The following LSAMP variants were observed in gnomAD, a reference collection of about 807,000 sequenced individuals.
LSAMP encodes the protein limbic system-associated membrane protein.
Under a neutral mutation model 38.6 loss-of-function variants are expected in LSAMP, and 7 were observed. That is an observed-to-expected ratio of 0.18 (90% CI 0.10 to 0.34). The LOEUF (loss-of-function observed/expected upper bound fraction) is 0.34. LSAMP is among the 10% of genes least tolerant of loss of function. The pLI, the probability that LSAMP is intolerant of heterozygous loss-of-function variation, is 1.00. For missense variants in LSAMP, 313 were observed against 420.0 expected (o/e 0.75, Z 2.23); for synonymous variants, 154 against 166.8 (o/e 0.92, Z 0.59).
rs193268231 is a variant in LSAMP at position 116,407,957 on chromosome 3, C to A, written c.155+36920G>T. Among the ~76,000 whole-genome samples the A allele has an allele frequency of 2.6e-4, 39 of 151,976 alleles. No homozygotes were observed. In the East Asian group the frequency reaches 7.2e-3, roughly 28 times the overall value. On this transcript the variant is annotated intron_variant, in intron 1 of 6. Coordinates refer to ENST00000490035, the MANE Select transcript of LSAMP (RefSeq NM_002338.5). Reference sequence around the variant, plus strand: ...AGTATTAAAATATACTATTATAGAACCATGATGAATAAGAAGGTACATCAG... The same window carrying A: ...AGTATTAAAATATACTATTATAGAAACATGATGAATAAGAAGGTACATCAG...
chr3:116,435,699 A>G (rs1303815119), intron 1 of LSAMP, among the ~76,000 whole-genome samples: 1 of 152,136 alleles, frequency 6.6e-6, no homozygotes, highest in East Asian at 1.9e-4. Context: ...TAAATTTTGT[A>G]TCTATTGGGG....
chr3:115,997,598 T>C (rs1309661356), intron 3 of LSAMP, among the ~76,000 whole-genome samples: 1 of 150,088 alleles, frequency 6.7e-6, no homozygotes, highest in African/African-American at 2.5e-5. Flanking sequence ...GCATAGGAGA[T>C]ACAGCAAGTG....
At chr3:116,164,404 T>G (rs890225195) in intron 1 of LSAMP, among the ~76,000 whole-genome samples, 5 of 151,096 alleles carry the variant, frequency 3.3e-5, no homozygotes, top group African/African-American at 4.9e-5. Context: ...AGCAGAGGTT[T>G]CTATTAGGTT....
At chr3:115,951,237 C>T (rs77431316) in intron 3 of LSAMP, among the ~76,000 whole-genome samples, 1,917 of 152,216 alleles carry the variant, frequency 0.013, 37 homozygotes, top group African/African-American at 0.04. Flanking sequence ...ACCAACACTA[C>T]AAAGGCAAAT....
At chr3:115,988,699 C>T (rs1939583183) in intron 3 of LSAMP, among the ~76,000 whole-genome samples, 1 of 152,066 alleles carries the variant, frequency 6.6e-6, no homozygotes, top group Admixed American at 6.6e-5. Flanking sequence ...CACATATTTA[C>T]TTCTTTATAT....
chr3:116,082,160 G>A (rs1441312962), intron 2 of LSAMP, among the ~76,000 whole-genome samples: 4 of 152,026 alleles, frequency 2.6e-5, no homozygotes, highest in African/African-American at 4.8e-5. Flanking sequence ...CTAGTTTTTG[G>A]AGCCAGTATT....
At chr3:116,110,038 A>G (rs1052260223) in intron 1 of LSAMP, among the ~76,000 whole-genome samples, 1 of 151,634 alleles carries the variant, frequency 6.6e-6, no homozygotes, top group Admixed American at 6.6e-5. Context: ...CACAGAGATA[A>G]GAGGTCGGGG....
At chr3:116,209,048 C>G (rs942680896) in intron 1 of LSAMP, among the ~76,000 whole-genome samples, 1 of 152,140 alleles carries the variant, frequency 6.6e-6, no homozygotes, top group Non-Finnish European at 1.5e-5. Context: ...TAGCAATCAG[C>G]GAGACTCCTT....
At chr3:116,114,140 T>A (rs1461804608) in intron 1 of LSAMP, among the ~76,000 whole-genome samples, 1 of 152,208 alleles carries the variant, frequency 6.6e-6, no homozygotes, top group Non-Finnish European at 1.5e-5. Flanking sequence ...CATGTCTCAA[T>A]CCTTCCTCAT....
chr3:116,035,680 A>G (rs1941030507), intron 2 of LSAMP, among the ~76,000 whole-genome samples: 1 of 152,208 alleles, frequency 6.6e-6, no homozygotes, highest in Non-Finnish European at 1.5e-5. Context: ...AGCTCTGTTT[A>G]TACTCTGTCC....
At position 116,296,694 on chromosome 3, in the gene LSAMP, C is replaced by CAAAAAA. The variant is rs10659032; in HGVS notation, c.155+148177_155+148182dup. On this transcript the variant is annotated intron_variant, in intron 1 of 6. Coordinates refer to ENST00000490035, the MANE Select transcript of LSAMP (RefSeq NM_002338.5). ...TGGGCGACAGAGCGTGACTCTGTCT[C>CAAAAAA]AAAAAAAAAAAAAAAAAAAAAAAAA... Among the ~76,000 whole-genome samples the CAAAAAA allele has an allele frequency of 2.0e-3, 117 of 59,734 alleles. 4 individuals are homozygous for CAAAAAA. The highest frequency in any genetic ancestry group is 7.1e-3 in the African/African-American group (108 of 15,192). 39.2% of individuals were successfully genotyped at this position (59,734 alleles called of 152,430 possible).
At chr3:115,822,940 T>C (rs2107469124) in intron 6 of LSAMP, among the ~76,000 whole-genome samples, 1 of 152,338 alleles carries the variant, frequency 6.6e-6, no homozygotes. Flanking sequence ...AGTACCAGAA[T>C]ACTGCAGCCC....
intron 3 of LSAMP, among the ~76,000 whole-genome samples, chr3:115,929,846 G>A (rs1937551873): frequency 6.6e-6 from 1 of 151,930 alleles, no homozygotes; most frequent in Non-Finnish European, 1.5e-5. Flanking sequence ...GCTTCTTGGA[G>A]TTCTACTCTT....
intron 1 of LSAMP, among the ~76,000 whole-genome samples, chr3:116,090,672 G>A (rs565911727): frequency 6.6e-6 from 1 of 152,262 alleles, no homozygotes; most frequent in East Asian, 1.9e-4. Flanking sequence ...GAGTACAAAA[G>A]AGAGAAATTT....
intron 1 of LSAMP, among the ~76,000 whole-genome samples, chr3:116,427,574 A>T (rs2049219778): frequency 6.6e-6 from 1 of 152,206 alleles, no homozygotes; most frequent in Non-Finnish European, 1.5e-5. Context: ...GAACATGTAT[A>T]GATCCAGATT....
intron 3 of LSAMP, among the ~76,000 whole-genome samples, chr3:115,997,948 A>G (rs1459855918): frequency 6.8e-6 from 1 of 147,058 alleles, no homozygotes. Flanking sequence ...TATTAAAAAT[A>G]TTATATATTA....
intron 1 of LSAMP, among the ~76,000 whole-genome samples, chr3:116,310,175 T>TCAATCTA (rs1192974698): frequency 0.039 from 5,885 of 152,248 alleles, 378 homozygotes; most frequent in African/African-American, 0.13. Context: ...GGAACAGACG[T>TCAATCTA]TCCTTCTTTT....
At chr3:116,162,004 C>T (rs150615878) in intron 1 of LSAMP, among the ~76,000 whole-genome samples, 1 of 151,692 alleles carries the variant, frequency 6.6e-6, no homozygotes, top group Non-Finnish European at 1.5e-5. Flanking sequence ...AAATAACTCA[C>T]CCCCAAGCAG....
chr3:116,155,550 T>C (rs1204562508), intron 1 of LSAMP, among the ~76,000 whole-genome samples: 1 of 152,024 alleles, frequency 6.6e-6, no homozygotes, highest in East Asian at 1.9e-4. Context: ...ATGTTTTACC[T>C]TCATAATACC....
Sources: gnomAD v4.1 joint callset for allele counts (sites outside exome capture counted in the v4.1 genomes callset) on GRCh38, gnomAD v4.1.1 for gene constraint, MANE v1.5 for transcripts, NCBI Gene and HGNC (gene_info 2026-07-23, HGNC 2026-07-21) for gene names.